Variants in SYNE2 observed in about 807,000 individuals in gnomAD.
The protein encoded by SYNE2 is nesprin-2.
Under a neutral mutation model 856.3 loss-of-function variants are expected in SYNE2, and 431 were observed. That is an observed-to-expected ratio of 0.50 (90% CI 0.47 to 0.55). SYNE2 has a LOEUF of 0.55. SYNE2 is among the 20% of genes least tolerant of loss of function. SYNE2 has a pLI of 0.00. For missense variants in SYNE2, 8,129 were observed against 8,023.2 expected, an observed-to-expected ratio of 1.01 and a Z score of -0.50; for synonymous variants, 2,923 against 2,872.3, an observed-to-expected ratio of 1.02 and a Z score of -0.56.
intron 66 of SYNE2, 68 bp from the exon 67 acceptor site, chr14:64,119,359 A>C (rs2097880385): frequency 1.9e-6 from 3 of 1,591,644 alleles, no homozygotes; most frequent in East Asian, 2.2e-5. Context: ...GTAAGTCTTA[A>C]CTTGTTTGCA....
At position 64,162,153 on chromosome 14, in the gene SYNE2, T is replaced by G; in HGVS notation, c.16176T>G (p.Asn5392Lys). 6.2e-7 allele frequency: 1 copy of G among 1,614,204 alleles called. No homozygotes were observed. Among genetic ancestry groups the G allele is most frequent in the Non-Finnish European group, 8.5e-7 (1 of 1,180,038 alleles). ...SLLQLWKAYS[N>K]AHGEAAARLK... is the part of the protein sequence containing the mutation. ...TCCAGCTCTGGAAGGCCTATAGCAATGCTCATGGTGAAGCTGCCGCAAGGC... is the reference window on the plus strand; with the variant it reads ...TCCAGCTCTGGAAGGCCTATAGCAAGGCTCATGGTGAAGCTGCCGCAAGGC... The change falls in exon 88 of 116, where the codon AAT becomes AAG. Residue 5392 changes from asparagine (N) to lysine (K), a missense_variant. By Grantham distance (94) the Asn-to-Lys change is moderately conservative (BLOSUM62 0). Coordinates refer to ENST00000555002, the MANE Select transcript of SYNE2 (RefSeq NM_182914.3).
chr14:63,970,158 T>C (rs1465535435), intron 11 of SYNE2, among the ~76,000 whole-genome samples: 1 of 152,164 alleles, frequency 6.6e-6, no homozygotes, highest in Non-Finnish European at 1.5e-5. Context: ...AATGACACCG[T>C]TGTATCTTGC....
intron 76 of SYNE2, among the ~76,000 whole-genome samples, chr14:64,131,100 C>T (rs1487345594): frequency 6.6e-6 from 1 of 151,988 alleles, no homozygotes; most frequent in Non-Finnish European, 1.5e-5. Context: ...AGCTTATGGT[C>T]TAGCATTTGG....
In SYNE2 at chr14:64,007,228, G is replaced by GA. The variant is rs758128856; in HGVS notation, c.4577+14dup. The stretch of plus-strand genomic sequence containing the variant: ...AAAGCCTTGGTCACCGAATGGTAAG[G>GA]AAAAAAAAGAATCCCTCTTGAATCT... On this transcript the variant is annotated splice_region_variant and intron_variant, in intron 31 of 115. Transcript: ENST00000555002. 8.1e-6 allele frequency: 13 copies of GA among 1,612,248 alleles called. No homozygotes were observed. The highest frequency in any genetic ancestry group is 1.0e-5 in the Non-Finnish European group (12 of 1,178,638).
chr14:63,950,432 G>A (rs2096133457), intron 7 of SYNE2, among the ~76,000 whole-genome samples: 1 of 152,084 alleles, frequency 6.6e-6, no homozygotes, highest in African/African-American at 2.4e-5. Context: ...GCATGTGCCT[G>A]TAATCCCAGC....
chr14:63,797,442 C>G (rs933678546), intron 1 of SYNE2, among the ~76,000 whole-genome samples: 1 of 152,020 alleles, frequency 6.6e-6, no homozygotes, highest in South Asian at 2.1e-4. Context: ...GCTACTTAAC[C>G]ATTTGATGTT....
At position 64,093,410 on chromosome 14, in the gene SYNE2, A is replaced by G. The variant is rs773219623; in HGVS notation, c.12038A>G (p.Asn4013Ser). Residue 4013 changes from asparagine to serine, a missense_variant, in exon 61 of 116, where the codon AAT becomes AGT. Asn to Ser is a conservative substitution (Grantham distance 46). Around this residue, in one of 3 missense-constraint regions of SYNE2, gnomAD observed 5,410 missense variants for 5,284.8 expected, o/e 1.02. Transcript: ENST00000555002. ...EEIENLKQIL[N>S]NYSAQFSLEH... The stretch of plus-strand genomic sequence containing the variant: ...ATAGAAAATTTGAAACAGATCTTAA[A>G]TAATTATTCAGCTCAGTTCTCCCTT... 40 of 1,614,008 alleles carry G rather than the reference A, an allele frequency of 2.5e-5. No homozygotes were observed. The East Asian group carries it at 8.9e-4, about 36-fold the overall frequency.
Position 64,134,195 on chromosome 14 carries a change from T to G in SYNE2, c.14641T>G (p.Tyr4881Asp). 1 of 1,614,138 alleles carries G rather than the reference T, an allele frequency of 6.2e-7. No homozygotes were observed. Among genetic ancestry groups the G allele is most frequent in the Non-Finnish European group, 8.5e-7 (1 of 1,179,964 alleles). Residue 4881 changes from tyrosine to aspartate, a missense_variant, in exon 78 of 116, where the codon TAC becomes GAC. By Grantham distance (160) the Tyr-to-Asp change is radical. Coordinates refer to ENST00000555002, the MANE Select transcript of SYNE2 (RefSeq NM_182914.3). ...AAGATTAGTGGAAAGGATTTCATTT[T>G]ACCAGGTATTTGTCTTCCATTTAAG... ...EERLVERISFYQQIKRNIGGK... is the reference protein window; with the variant it reads ...EERLVERISFDQQIKRNIGGK...
At chr14:63,945,767 G>GGT (rs2096016676) in intron 6 of SYNE2, among the ~76,000 whole-genome samples, 1 of 152,154 alleles carries the variant, frequency 6.6e-6, no homozygotes, top group Non-Finnish European at 1.5e-5. Flanking sequence ...TGGAATTACA[G>GGT]GTGTGTGTCA....
chr14:63,948,782 G>GTGTGTGTGTGTCTA (rs1454688156), intron 6 of SYNE2, among the ~76,000 whole-genome samples: 4 of 43,900 alleles, frequency 9.1e-5, no homozygotes, highest in African/African-American at 3.2e-4. Context: ...ATGTGTGTGT[G>GTGTGTGTGTGTCTA]TATATATATA....
intron 1 of SYNE2, among the ~76,000 whole-genome samples, chr14:63,782,267 A>T (rs533150875): frequency 6.6e-6 from 1 of 152,212 alleles, no homozygotes; most frequent in South Asian, 2.1e-4. Flanking sequence ...TGAGGTCAGG[A>T]GTTCGAGACC....
At chr14:64,035,678 A>C (rs1481749341) in intron 45 of SYNE2, among the ~76,000 whole-genome samples, 1 of 152,050 alleles carries the variant, frequency 6.6e-6, no homozygotes, top group African/African-American at 2.4e-5. Context: ...ACTAGAACTT[A>C]GGCATCCTTT....
chr14:63,854,039 T>C (rs1891115185), intron 1 of SYNE2, among the ~76,000 whole-genome samples: 1 of 152,078 alleles, frequency 6.6e-6, no homozygotes, highest in Non-Finnish European at 1.5e-5. Context: ...CCGAAAGTTA[T>C]TTCCCCCTCC....
chr14:64,038,650 G>GGCCA (rs1165859334), intron 45 of SYNE2, among the ~76,000 whole-genome samples: 1 of 152,238 alleles, frequency 6.6e-6, no homozygotes, highest in Non-Finnish European at 1.5e-5. Flanking sequence ...AGACCAGCCC[G>GGCCA]GCCAACACAG....
intron 96 of SYNE2, among the ~76,000 whole-genome samples, chr14:64,184,175 C>T (rs1045220523): frequency 1.3e-5 from 2 of 152,178 alleles, no homozygotes; most frequent in Non-Finnish European, 2.9e-5. Context: ...AAATTGCTTT[C>T]CTTTCAGCCG....
intron 12 of SYNE2, among the ~76,000 whole-genome samples, chr14:63,977,222 T>C (rs138536106): frequency 1.7e-4 from 26 of 151,912 alleles, no homozygotes; most frequent in African/African-American, 6.3e-4. Flanking sequence ...TGATGAAAAT[T>C]TTTTTTTTGA....
At chr14:63,910,289 A>G (rs565051128) in intron 2 of SYNE2, among the ~76,000 whole-genome samples, 3 of 152,320 alleles carry the variant, frequency 2.0e-5, no homozygotes, top group African/African-American at 7.2e-5. Flanking sequence ...TTTTGATGCC[A>G]TATTGAGTGA....
At chr14:63,796,726 T>C (rs999967252) in intron 1 of SYNE2, among the ~76,000 whole-genome samples, 2 of 151,170 alleles carry the variant, frequency 1.3e-5, no homozygotes, top group Non-Finnish European at 2.9e-5. Context: ...TTAGAAAAGA[T>C]ATAACTCAGA....
At chr14:63,776,443 C>A (rs976513258) in intron 1 of SYNE2, among the ~76,000 whole-genome samples, 1 of 151,874 alleles carries the variant, frequency 6.6e-6, no homozygotes, top group Non-Finnish European at 1.5e-5. Context: ...ATATTTATGT[C>A]AAAAATAGTA....
Sources: allele counts gnomAD v4.1 joint callset (sites outside exome capture counted in the v4.1 genomes callset), GRCh38; gene constraint gnomAD v4.1.1; regional missense constraint gnomAD v4.1.1; transcripts MANE v1.5; gene names NCBI Gene and HGNC (gene_info 2026-07-23, HGNC 2026-07-21).